The following BCO2 variants were observed in gnomAD, a reference collection of about 807,000 sequenced individuals.
BCO2 encodes the protein beta-carotene oxygenase 2.
A neutral mutation model predicts 65.8 loss-of-function variants in BCO2; 56 were observed. The observed-to-expected ratio is 0.85, with a 90% CI of 0.69 to 1.06. BCO2 has a LOEUF of 1.06. BCO2 is among the 50% of genes least tolerant of loss of function. The pLI is 0.00. For synonymous variants in BCO2, 233 were observed against 242.3 expected (o/e 0.96, Z 0.36); for missense variants, 675 against 698.5 (o/e 0.97, Z 0.38).
chr11:112,182,461 T>C (rs930299129), intron 2 of BCO2, among the ~76,000 whole-genome samples: 5 of 152,154 alleles, frequency 3.3e-5, no homozygotes, highest in Non-Finnish European at 7.3e-5. Context: ...CAAATGTCCA[T>C]CAATGATAGA....
intron 2 of BCO2, among the ~76,000 whole-genome samples, chr11:112,186,209 A>C (rs547533428): frequency 6.7e-6 from 1 of 150,350 alleles, no homozygotes; most frequent in Non-Finnish European, 1.5e-5. Flanking sequence ...CACCTGCTGC[A>C]GAAGGAGAGG....
At chr11:112,207,209 T>C (rs1859370842) in intron 8 of BCO2, among the ~76,000 whole-genome samples, 1 of 152,194 alleles carries the variant, frequency 6.6e-6, no homozygotes, top group Admixed American at 6.5e-5. Flanking sequence ...TGAATAGAAG[T>C]GCAAGATAGT....
intron 8 of BCO2, among the ~76,000 whole-genome samples, chr11:112,209,687 C>T (rs1436784902): frequency 1.3e-5 from 2 of 152,024 alleles, no homozygotes; most frequent in Admixed American, 6.6e-5. Flanking sequence ...AATCATATAA[C>T]GTTTATCCTT....
chr11:112,180,629 G>A, intron 2 of BCO2: 1 of 661,770 alleles, frequency 1.5e-6, no homozygotes, highest in Non-Finnish European at 2.8e-6. Context: ...GTGCATGTGT[G>A]TGGTGTGTCC....
At chr11:112,207,295 TTCTAGCTA>T (rs1220887267) in intron 8 of BCO2, among the ~76,000 whole-genome samples, 3 of 152,234 alleles carry the variant, frequency 2.0e-5, no homozygotes, top group African/African-American at 7.2e-5. Context: ...ATAGGTATTT[TTCTAGCTA>T]TCTTTATCAG....
intron 5 of BCO2, among the ~76,000 whole-genome samples, chr11:112,198,253 T>C (rs1867634096): frequency 6.6e-6 from 1 of 151,760 alleles, no homozygotes; most frequent in Admixed American, 6.6e-5. Context: ...AGACCAGGAG[T>C]TCGAGGCTGC....
intron 2 of BCO2, among the ~76,000 whole-genome samples, chr11:112,180,264 C>G (rs1038854818): frequency 6.6e-6 from 1 of 152,032 alleles, no homozygotes; most frequent in Non-Finnish European, 1.5e-5. Flanking sequence ...CATTTTTTTC[C>G]CACAATATTT....
chr11:112,215,905 G>A (rs759280313), intron 10 of BCO2, among the ~76,000 whole-genome samples: 5 of 152,178 alleles, frequency 3.3e-5, no homozygotes, highest in Non-Finnish European at 5.9e-5. Flanking sequence ...TGGTGAGAGA[G>A]TAGGAGCAAG....
chr11:112,178,029 C>T (rs539598353), intron 1 of BCO2, among the ~76,000 whole-genome samples: 2 of 150,108 alleles, frequency 1.3e-5, no homozygotes, highest in South Asian at 4.2e-4. Context: ...CCTGCCTCAG[C>T]TCCTGAGTAG....
chr11:112,203,050 C>CAAA (rs547629144), intron 8 of BCO2, among the ~76,000 whole-genome samples: 1 of 105,648 alleles, frequency 9.5e-6, no homozygotes, highest in Non-Finnish European at 2.0e-5. Context: ...ACTCCATCTC[C>CAAA]AAAAAAAAAA....
At chr11:112,212,610 C>T (rs1417332556) in intron 8 of BCO2, among the ~76,000 whole-genome samples, 1 of 152,156 alleles carries the variant, frequency 6.6e-6, no homozygotes, top group African/African-American at 2.4e-5. Context: ...TTCCAAGAGT[C>T]CTTTCCCAGT....
chr11:112,190,121 A>G (rs1867330268), intron 2 of BCO2, among the ~76,000 whole-genome samples: 1 of 151,902 alleles, frequency 6.6e-6, no homozygotes, highest in African/African-American at 2.4e-5. Flanking sequence ...CTCCATCTTT[A>G]CAAAAAAATT....
intron 5 of BCO2, among the ~76,000 whole-genome samples, chr11:112,197,309 G>A (rs1251499242): frequency 6.6e-6 from 1 of 152,126 alleles, no homozygotes; most frequent in Admixed American, 6.6e-5. Flanking sequence ...AGCACTTTGG[G>A]AGGCCAAGGC....
intron 4 of BCO2, 70 bp from the exon 5 acceptor site, chr11:112,194,583 T>C: frequency 1.1e-6 from 1 of 890,956 alleles, no homozygotes. Flanking sequence ...AAACATTAGA[T>C]ATTTCTACTA....
chr11:112,204,213 C>T (rs1294732171), intron 8 of BCO2, among the ~76,000 whole-genome samples: 1 of 152,136 alleles, frequency 6.6e-6, no homozygotes, highest in Non-Finnish European at 1.5e-5. Context: ...TCTTCCAGGT[C>T]CATCCATGTT....
chr11:112,216,201 CT>C lies in BCO2; in HGVS notation c.1516-12del. ...CTTACTACTTGCCTTTTATCAAATGCTTTTTTTGGGACTTGCAGGTTTGGAG... is the reference window on the plus strand; with the variant it reads ...CTTACTACTTGCCTTTTATCAAATGCTTTTTTGGGACTTGCAGGTTTGGAG... On this transcript the variant is annotated intron_variant, in intron 10 of 11. Transcript: ENST00000357685. The C allele has an allele frequency of 5.1e-6, 8 of 1,583,542 alleles. No individual in the cohort carries two copies. Among genetic ancestry groups the C allele is most frequent in the Non-Finnish European group, 6.9e-6 (8 of 1,152,374 alleles).
chr11:112,183,113 C>T, intron 2 of BCO2: 1 of 1,280,536 alleles, frequency 7.8e-7, no homozygotes, highest in Non-Finnish European at 1.1e-6. Context: ...AAGAAGCCAA[C>T]CTGAGAGGGT....
At chr11:112,206,637 A>C (rs1397650884) in intron 8 of BCO2, among the ~76,000 whole-genome samples, 1 of 152,108 alleles carries the variant, frequency 6.6e-6, no homozygotes, top group Non-Finnish European at 1.5e-5. Flanking sequence ...ATAATTCCTT[A>C]TTGGATATGT....
At chr11:112,183,205 C>G (rs1867104350) in intron 2 of BCO2, 1 of 827,518 alleles carries the variant, frequency 1.2e-6, no homozygotes. Flanking sequence ...ATTTTAGGGA[C>G]TGGAGGAAGA....
Sources: allele counts gnomAD v4.1 joint callset (sites outside exome capture counted in the v4.1 genomes callset), GRCh38; gene constraint gnomAD v4.1.1; transcripts MANE v1.5; gene names NCBI Gene and HGNC (gene_info 2026-07-23, HGNC 2026-07-21).